TMEM61: variants seen among roughly 807,000 people sequenced by gnomAD.
TMEM61 encodes transmembrane protein 61.
A neutral mutation model predicts 12.0 loss-of-function variants in TMEM61; 13 were observed. The observed-to-expected ratio is 1.08, with a 90% CI of 0.70 to 1.72. The LOEUF is 1.72. Ranked by LOEUF, TMEM61 falls within the 40% of genes most tolerant of loss-of-function variation. The pLI is 0.00. For synonymous variants in TMEM61, 109 were observed against 121.4 expected, an observed-to-expected ratio of 0.90 and a Z score of 0.67; for missense variants, 249 against 276.9, an observed-to-expected ratio of 0.90 and a Z score of 0.71.
In TMEM61 at chr1:54,986,176, C is replaced by T. The variant is rs772100194; in HGVS notation, c.95C>T (p.Thr32Met). 1.5e-5 allele frequency: 25 copies of T among 1,613,302 alleles called. No homozygotes were observed. Among genetic ancestry groups the T allele is most frequent in the South Asian group, 2.2e-5 (2 of 90,992 alleles). Residue 32 changes from threonine (T) to methionine (M), a missense_variant, in exon 2 of 3, where the codon ACG becomes ATG. Physicochemically the swap from Thr to Met is moderately conservative, Grantham distance 81. Coordinates refer to ENST00000371268, the MANE Select transcript of TMEM61 (RefSeq NM_182532.3). ...GGCACAGTGGTTCTGGTGGCCGGGA[C>T]GCTCTGCTTCGCTTGGTGGAGCGAA... The part of the protein sequence containing the change: ...VSGTVVLVAG[T>M]LCFAWWSEGD...
chr1:54,989,302 G>T lies in TMEM61; in HGVS notation c.366-2534G>T, dbSNP rs545876376. Among the ~76,000 whole-genome samples the T allele has an allele frequency of 2.0e-5, 3 of 152,322 alleles. No homozygotes were observed. The South Asian group carries it at 6.2e-4, about 32-fold the overall frequency. ...CATGGCCTTTACTCATCTGTAAAGT[G>T]GGTGCAGGCCTCTACCCCCCAGGGT... On this transcript the variant is annotated intron_variant, in intron 2 of 2. Transcript: ENST00000371268.
At chr1:54,990,008 G>A (rs906016451) in intron 2 of TMEM61, among the ~76,000 whole-genome samples, 1 of 152,076 alleles carries the variant, frequency 6.6e-6, no homozygotes, top group African/African-American at 2.4e-5. Flanking sequence ...CGGATGAGGA[G>A]AAAGAGGTTC....
rs368767541 is a variant in TMEM61 at position 54,981,143 on chromosome 1, C to A, written c.15+63C>A. 291 of 1,533,760 alleles carry A rather than the reference C, an allele frequency of 1.9e-4. 2 individuals carry two copies. In the African/African-American group the frequency reaches 3.7e-3, roughly 19 times the overall value. On this transcript the variant is annotated intron_variant, in intron 1 of 2. Transcript: ENST00000371268. ...TCAGCCCCTTCTGTCGTCGACCTTG[C>A]CCCGACCCCTTCCCCTAACCTCGGT...
At chr1:54,989,560 G>A (rs1275643864) in intron 2 of TMEM61, among the ~76,000 whole-genome samples, 1 of 152,230 alleles carries the variant, frequency 6.6e-6, no homozygotes, top group Non-Finnish European at 1.5e-5. Flanking sequence ...AGCTGCCGAG[G>A]CGCCATATCC....
chr1:54,984,694 G>A (rs1644246638), intron 1 of TMEM61, among the ~76,000 whole-genome samples: 1 of 152,240 alleles, frequency 6.6e-6, no homozygotes, highest in African/African-American at 2.4e-5. Flanking sequence ...CGGGGAGTGG[G>A]ATAAGTGAAG....
rs199692872 is a variant in TMEM61 at position 54,986,345 on chromosome 1, C to T, written c.264C>T (p.Ser88=). Residue 88 remains serine (S), a synonymous_variant, in exon 2 of 3, where the codon TCC becomes TCT. Transcript: ENST00000371268. ...GLLLLIGLLW[S]VKASIPGPPR... is the part of the protein sequence containing the mutation. ...TGCTGCTCATTGGCCTGCTGTGGTC[C>T]GTCAAGGCCAGCATCCCAGGGCCAC... The T allele has an allele frequency of 1.2e-5, 19 of 1,613,978 alleles. No homozygotes were observed. The highest frequency in any genetic ancestry group is 6.7e-5 in the African/African-American group (5 of 75,058).
chr1:54,986,790 G>T (rs978580517), intron 2 of TMEM61, among the ~76,000 whole-genome samples: 2 of 151,802 alleles, frequency 1.3e-5, no homozygotes, highest in Non-Finnish European at 2.9e-5. Context: ...AAGCCTAGGC[G>T]CAAGAGTCAG....
intron 2 of TMEM61, 57 bp downstream of exon 2, chr1:54,986,503 C>T (rs1330852349): frequency 7.4e-7 from 1 of 1,359,128 alleles, no homozygotes. Flanking sequence ...CCCAGTCACA[C>T]CAGCCCACCA....
intron 1 of TMEM61, among the ~76,000 whole-genome samples, chr1:54,982,355 G>C (rs998875445): frequency 6.6e-6 from 1 of 152,152 alleles, no homozygotes; most frequent in East Asian, 1.9e-4. Context: ...AGAGGGTCCA[G>C]GTGAAAGGAG....
intron 1 of TMEM61, among the ~76,000 whole-genome samples, chr1:54,983,261 C>T (rs933084146): frequency 1.3e-5 from 2 of 151,444 alleles, no homozygotes; most frequent in Non-Finnish European, 2.9e-5. Flanking sequence ...CTACAGGTGC[C>T]CACCACCACG....
chr1:54,989,404 G>T (rs950373685), intron 2 of TMEM61, among the ~76,000 whole-genome samples: 1 of 152,238 alleles, frequency 6.6e-6, no homozygotes, highest in Non-Finnish European at 1.5e-5. Flanking sequence ...CACTCTTCCT[G>T]GGTTTGCCTG....
At chr1:54,987,535 C>T (rs1367369374) in intron 2 of TMEM61, among the ~76,000 whole-genome samples, 1 of 152,126 alleles carries the variant, frequency 6.6e-6, no homozygotes, top group Non-Finnish European at 1.5e-5. Context: ...AAGAGTATTA[C>T]CCTCCCCAAG....
intron 1 of TMEM61, among the ~76,000 whole-genome samples, chr1:54,983,113 T>TTTTTTTG (rs1166824443): frequency 7.9e-6 from 1 of 127,350 alleles, no homozygotes; most frequent in East Asian, 2.1e-4. Context: ...TGCTTTGTTT[T>TTTTTTTG]TTTTTTTTGT....
Position 54,980,937 on chromosome 1 carries a change from ACCCG to A in TMEM61, c.-127_-124del. Reference sequence around the variant, plus strand: ...GCGGCCAGGCCCCTCCGCCCCTAACACCCGCGCCTCCTGCAGACCCGAGGGTCGC... The same window carrying A: ...GCGGCCAGGCCCCTCCGCCCCTAACACGCCTCCTGCAGACCCGAGGGTCGC... On this transcript the variant is annotated 5_prime_UTR_variant, in exon 1 of 3. Coordinates refer to ENST00000371268, the MANE Select transcript of TMEM61 (RefSeq NM_182532.3). 2 of 1,022,430 alleles carry A rather than the reference ACCCG, an allele frequency of 2.0e-6. No homozygotes were observed. The highest frequency in any genetic ancestry group is 2.7e-6 in the Non-Finnish European group (2 of 737,426). 63.3% of individuals were successfully genotyped at this position (1,022,430 alleles called of 1,614,324 possible).
Position 54,980,889 on chromosome 1 carries a change from C to A in TMEM61, c.-177C>A. ...AGGAGCCAGACCTCGGTTTTGCGGG[C>A]TGGGGAGCAGGGCTCGGGGGCAGCG... is the stretch of plus-strand genomic sequence containing the variant. On this transcript the variant is annotated 5_prime_UTR_variant, in exon 1 of 3. In the 5' UTR this introduces an upstream ATG that the reference lacks. Transcript: ENST00000371268. The A allele has an allele frequency of 1.7e-6, 1 of 585,114 alleles. No homozygotes were observed. The highest frequency in any genetic ancestry group is 2.7e-6 in the Non-Finnish European group (1 of 370,244). 36.2% of individuals were successfully genotyped at this position (585,114 alleles called of 1,614,324 possible). A position where few individuals can be genotyped will look rare whatever the true frequency, so the allele number is the denominator to read the frequency against.
intron 1 of TMEM61, among the ~76,000 whole-genome samples, chr1:54,981,435 T>A (rs145096247): frequency 0.011 from 1,691 of 152,010 alleles, 19 homozygotes; most frequent in African/African-American, 0.037. Context: ...CTGGGCAACA[T>A]GATGAAACCC....
intron 1 of TMEM61, among the ~76,000 whole-genome samples, chr1:54,982,845 A>G (rs1570256492): frequency 6.6e-6 from 1 of 152,196 alleles, no homozygotes; most frequent in Admixed American, 6.5e-5. Context: ...TATTATGGTC[A>G]CCAATTGTGG....
intron 1 of TMEM61, among the ~76,000 whole-genome samples, chr1:54,982,767 C>T (rs552268257): frequency 1.7e-4 from 26 of 152,210 alleles, no homozygotes; most frequent in Non-Finnish European, 3.7e-4. Context: ...TACACACAGA[C>T]AGGGATTTGA....
intron 2 of TMEM61, among the ~76,000 whole-genome samples, chr1:54,989,815 A>G (rs954707377): frequency 6.6e-6 from 1 of 152,140 alleles, no homozygotes; most frequent in Non-Finnish European, 1.5e-5. Flanking sequence ...CCCCAGGCCT[A>G]CCCAAAGCCT....
Sources: gnomAD v4.1 joint callset for allele counts (sites outside exome capture counted in the v4.1 genomes callset) on GRCh38, gnomAD v4.1.1 for gene constraint, MANE v1.5 for transcripts, NCBI Gene and HGNC (gene_info 2026-07-23, HGNC 2026-07-21) for gene names.